Variants in RPH3AL observed in about 807,000 individuals in gnomAD.
RPH3AL encodes rab effector Noc2.
RPH3AL carries 38 observed loss-of-function variants against 43.1 expected under a neutral mutation model. The observed-to-expected ratio is 0.88, with a 90% CI of 0.68 to 1.15. RPH3AL has a LOEUF of 1.15. Among genes scored for constraint, RPH3AL ranks in the 50% most tolerant of loss-of-function variants. RPH3AL has a pLI of 0.00. For synonymous variants in RPH3AL, 189 were observed against 176.3 expected (o/e 1.07, Z -0.57); for missense variants, 462 against 423.2 (o/e 1.09, Z -0.81).
chr17:316,130 C>T (rs1236430670), intron 5 of RPH3AL, among the ~76,000 whole-genome samples: 1 of 148,988 alleles, frequency 6.7e-6, no homozygotes, highest in African/African-American at 2.5e-5. Context: ...CTCCATTGAC[C>T]TGCAGTCCCT....
At chr17:278,797 T>C (rs781027910) in intron 6 of RPH3AL, among the ~76,000 whole-genome samples, 1 of 152,124 alleles carries the variant, frequency 6.6e-6, no homozygotes, top group Non-Finnish European at 1.5e-5. Flanking sequence ...GCTGCCTACA[T>C]GAATAAACGC....
chr17:243,338 C>T (rs1223850370), intron 7 of RPH3AL, among the ~76,000 whole-genome samples: 2 of 74,440 alleles, frequency 2.7e-5, no homozygotes, highest in Admixed American at 1.3e-4. Flanking sequence ...CTGATTGCCC[C>T]TCCTCTACTG....
intron 6 of RPH3AL, among the ~76,000 whole-genome samples, chr17:257,702 A>G (rs2042088219): frequency 4.2e-5 from 2 of 47,548 alleles, no homozygotes; most frequent in Non-Finnish European, 8.1e-5. Context: ...GAATGTGACT[A>G]CCCTACGTAC....
intron 2 of RPH3AL, among the ~76,000 whole-genome samples, chr17:329,190 A>T (rs560068409): frequency 6.6e-6 from 1 of 152,184 alleles, no homozygotes. Flanking sequence ...ACTCATTCAC[A>T]GGCCAGACAT....
chr17:331,551 G>C (rs1379353348), intron 2 of RPH3AL: 12 of 1,262,044 alleles, frequency 9.5e-6, no homozygotes, highest in Non-Finnish European at 1.2e-5. Context: ...GAGCAACCTC[G>C]GGACAGATGG....
At chr17:261,205 G>A (rs1424142159) in intron 6 of RPH3AL, among the ~76,000 whole-genome samples, 1 of 152,236 alleles carries the variant, frequency 6.6e-6, no homozygotes, top group Non-Finnish European at 1.5e-5. Context: ...GGGCTGAACT[G>A]TGTCCTCCAA....
chr17:285,159 C>CG (rs1489508023), intron 5 of RPH3AL, among the ~76,000 whole-genome samples: 8 of 152,202 alleles, frequency 5.3e-5, no homozygotes, highest in Non-Finnish European at 1.2e-4. Context: ...GGAGCATCGT[C>CG]GTGTCTCTCA....
At chr17:276,478 A>AC (rs1441246889) in intron 6 of RPH3AL, among the ~76,000 whole-genome samples, 2 of 151,910 alleles carry the variant, frequency 1.3e-5, no homozygotes, top group Non-Finnish European at 2.9e-5. Flanking sequence ...TGCCACCTCC[A>AC]CCCCCCGGGC....
intron 5 of RPH3AL, among the ~76,000 whole-genome samples, chr17:302,344 G>C (rs1421998177): frequency 1.3e-5 from 2 of 152,222 alleles, no homozygotes; most frequent in Non-Finnish European, 2.9e-5. Flanking sequence ...CGCAGGTGTA[G>C]CAGGCCAGGC....
At chr17:300,218 A>G (rs75046422) in intron 5 of RPH3AL, among the ~76,000 whole-genome samples, 109 of 52,298 alleles carry the variant, frequency 2.1e-3, no homozygotes, top group Middle Eastern at 0.017. Context: ...TCTCTCACCC[A>G]CTCTAGAAGG....
chr17:276,120 A>G (rs201833664), intron 6 of RPH3AL, among the ~76,000 whole-genome samples: 2 of 152,332 alleles, frequency 1.3e-5, no homozygotes, highest in East Asian at 3.9e-4. Flanking sequence ...TGGGAGCACC[A>G]ATCAGGAATC....
intron 6 of RPH3AL, among the ~76,000 whole-genome samples, chr17:259,343 G>A (rs1361327412): frequency 6.6e-6 from 1 of 152,176 alleles, no homozygotes; most frequent in African/African-American, 2.4e-5. Flanking sequence ...GGGGAGAGCA[G>A]ATCTGTTGAG....
At position 344,409 on chromosome 17, in the gene RPH3AL, T is replaced by C. The variant is rs1567540719; in HGVS notation, c.-213+8303A>G. On this transcript the variant is annotated intron_variant, in intron 1 of 9. Coordinates refer to ENST00000331302, the MANE Select transcript of RPH3AL (RefSeq NM_006987.4). The stretch of plus-strand genomic sequence containing the variant: ...CCACCATCAGACATCATCACCATCA[T>C]CACCCACATCATCATCACCATCACC... Among the ~76,000 whole-genome samples the C allele has an allele frequency of 1.5e-5, 2 of 130,158 alleles. 1 individual carries two copies. The highest frequency in any genetic ancestry group is 3.5e-5 in the Non-Finnish European group (2 of 57,632). The allele number at this position is 130,158 out of a possible 152,430, so 85.4% of individuals were successfully genotyped here.
At chr17:331,456 C>A in intron 2 of RPH3AL, 1 of 772,424 alleles carries the variant, frequency 1.3e-6, no homozygotes, top group Non-Finnish European at 1.8e-6. Flanking sequence ...CAGGAGAATT[C>A]AGGCCCCGGC....
rs1597881992 is a variant in RPH3AL at position 225,623 on chromosome 17, G to A, written c.614-5887C>T. 6.6e-6 allele frequency among the ~76,000 whole-genome samples: 1 copy of A among 152,192 alleles called. No individual in the cohort carries two copies. Among genetic ancestry groups the A allele is most frequent in the Non-Finnish European group, 1.5e-5 (1 of 68,042 alleles). Reference sequence around the variant, plus strand: ...CCCGGGAGCAGGGAGGTGTCCAGCAGGAGGACAGTCCTGCGGAGGGTGGGG... The same window carrying A: ...CCCGGGAGCAGGGAGGTGTCCAGCAAGAGGACAGTCCTGCGGAGGGTGGGG... On this transcript the variant is annotated intron_variant, in intron 7 of 9. Transcript: ENST00000331302. The surrounding 1 kb of genome is among the most constrained non-coding windows in gnomAD (Gnocchi z 4.4).
At position 283,726 on chromosome 17, in the gene RPH3AL, C is replaced by T. The variant is rs1254294786; in HGVS notation, c.352-1872G>A. Among the ~76,000 whole-genome samples, 1 of 152,168 alleles carries T rather than the reference C, an allele frequency of 6.6e-6. No homozygotes were observed. Among genetic ancestry groups the T allele is most frequent in the Non-Finnish European group, 1.5e-5 (1 of 68,026 alleles). Reference sequence around the variant, plus strand: ...TCCTGGGTTTGGGATCATTGCTAGGCTGGGCTTCAGCCCTTCCAAGGACCA... The same window carrying T: ...TCCTGGGTTTGGGATCATTGCTAGGTTGGGCTTCAGCCCTTCCAAGGACCA... On this transcript the variant is annotated intron_variant, in intron 5 of 9. Coordinates refer to ENST00000331302, the MANE Select transcript of RPH3AL (RefSeq NM_006987.4). This position sits in a 1 kb window ranked among gnomAD's most constrained non-coding sequence, Gnocchi z 4.2.
Position 264,078 on chromosome 17 carries a change from G to A in RPH3AL, c.439-16793C>T, listed in dbSNP as rs542561840. Among the ~76,000 whole-genome samples the A allele has an allele frequency of 8.5e-5, 13 of 152,298 alleles. No homozygotes were observed. Among genetic ancestry groups the A allele is most frequent in the East Asian group, 7.7e-4 (4 of 5,186 alleles). On this transcript the variant is annotated intron_variant, in intron 6 of 9. Coordinates refer to ENST00000331302, the MANE Select transcript of RPH3AL (RefSeq NM_006987.4). This position sits in a 1 kb window ranked among gnomAD's most constrained non-coding sequence, Gnocchi z 4.8. ...ATTTCAAAGCCACGATTTTGGCCGC[G>A]TGCGACAAGCCGGACTCTCCAAGAG...
At chr17:302,086 A>G (rs56117701) in intron 5 of RPH3AL, among the ~76,000 whole-genome samples, 16,488 of 152,058 alleles carry the variant, frequency 0.11, 1,105 homozygotes, top group South Asian at 0.15. Context: ...AATAACCACA[A>G]TCGAGCTGTG....
chr17:273,583 TGAGACCCCGGCGAGGGCGACGTCAGGAA>T (rs2042580262), intron 6 of RPH3AL, among the ~76,000 whole-genome samples: 1 of 22,582 alleles, frequency 4.4e-5, no homozygotes, highest in African/African-American at 2.6e-4. Context: ...GACGTCAGGG[TGAGACCCCGGCGAGGGCGACGTCAGGAA>T]GAGACCCCAG....
Sources: gnomAD v4.1 joint callset for allele counts (sites outside exome capture counted in the v4.1 genomes callset) on GRCh38, gnomAD v4.1.1 for gene constraint, Gnocchi (gnomAD v3.1) non-coding constraint, MANE v1.5 for transcripts, NCBI Gene and HGNC (gene_info 2026-07-23, HGNC 2026-07-21) for gene names.